The following GPC5 variants were observed in gnomAD, a reference collection of about 807,000 sequenced individuals.
GPC5 encodes the protein glypican 5, also known as glypican-5.
A neutral mutation model predicts 53.9 loss-of-function variants in GPC5; 47 were observed. The ratio of observed to expected loss-of-function variants is 0.87; its 90% CI spans 0.69 to 1.11. The LOEUF (loss-of-function observed/expected upper bound fraction) is 1.11. GPC5 is among the 50% of genes most tolerant of loss of function. The probability of loss-of-function intolerance (pLI) is 0.00; values close to 1 mark genes in which losing one functional copy is unlikely to be tolerated. For synonymous variants in GPC5, 286 were observed against 263.3 expected (o/e 1.09, Z -0.84); for missense variants, 748 against 713.1 (o/e 1.05, Z -0.56).
chr13:91,744,988 A>G (rs144611935), intron 4 of GPC5, among the ~76,000 whole-genome samples: 2 of 152,236 alleles, frequency 1.3e-5, no homozygotes, highest in African/African-American at 4.8e-5. Flanking sequence ...TAGACACTGT[A>G]TCACATCTCT....
At chr13:91,650,685 A>C (rs542668481) in intron 2 of GPC5, among the ~76,000 whole-genome samples, 91 of 151,048 alleles carry the variant, frequency 6.0e-4, no homozygotes, top group African/African-American at 1.9e-3. Context: ...GACTACTCAT[A>C]TTAAGCTCCA....
chr13:92,498,926 A>G (rs968733760), intron 7 of GPC5, among the ~76,000 whole-genome samples: 2 of 152,130 alleles, frequency 1.3e-5, no homozygotes, highest in African/African-American at 4.8e-5. Flanking sequence ...GGTTTCCCCA[A>G]TGCTAGATGT....
At chr13:92,303,535 A>T (rs1447005556) in intron 7 of GPC5, among the ~76,000 whole-genome samples, 1 of 152,116 alleles carries the variant, frequency 6.6e-6, no homozygotes, top group East Asian at 1.9e-4. Context: ...GAATTGTGTC[A>T]GGGAGACAGG....
chr13:92,024,291 C>T (rs1372546151), intron 6 of GPC5, among the ~76,000 whole-genome samples: 4 of 152,080 alleles, frequency 2.6e-5, no homozygotes, highest in African/African-American at 9.7e-5. Flanking sequence ...ACTGTATTGG[C>T]ACTGCTGTTC....
At chr13:92,214,348 A>G (rs2042395581) in intron 7 of GPC5, among the ~76,000 whole-genome samples, 1 of 152,184 alleles carries the variant, frequency 6.6e-6, no homozygotes, top group Non-Finnish European at 1.5e-5. Flanking sequence ...GACCAGTGGC[A>G]CTTAATTCAT....
intron 4 of GPC5, among the ~76,000 whole-genome samples, chr13:91,748,179 A>T (rs1437368370): frequency 6.6e-6 from 1 of 152,234 alleles, no homozygotes; most frequent in Non-Finnish European, 1.5e-5. Flanking sequence ...CATATCTGTG[A>T]TGTATTAATT....
At chr13:92,114,773 G>T (rs2041587453) in intron 6 of GPC5, among the ~76,000 whole-genome samples, 1 of 152,114 alleles carries the variant, frequency 6.6e-6, no homozygotes, top group African/African-American at 2.4e-5. Flanking sequence ...TTATATAAAT[G>T]TATATTCTCC....
chr13:91,892,419 T>A (rs899530893), intron 5 of GPC5, among the ~76,000 whole-genome samples: 9 of 151,784 alleles, frequency 5.9e-5, no homozygotes, highest in Middle Eastern at 7.9e-3. Flanking sequence ...AACTCCAAAT[T>A]AGAAAAAATA....
chr13:92,305,025 G>GA (rs1244449802), intron 7 of GPC5, among the ~76,000 whole-genome samples: 3 of 152,046 alleles, frequency 2.0e-5, no homozygotes, highest in Admixed American at 6.6e-5. Flanking sequence ...AAAGTAAATA[G>GA]AAAAAACTTT....
At chr13:91,856,114 G>A (rs1386835436) in intron 5 of GPC5, among the ~76,000 whole-genome samples, 1 of 151,332 alleles carries the variant, frequency 6.6e-6, no homozygotes, top group African/African-American at 2.4e-5. Flanking sequence ...TGTGTGTATT[G>A]ATATTTCATT....
intron 7 of GPC5, among the ~76,000 whole-genome samples, chr13:92,581,477 A>G (rs1048118757): frequency 2.6e-5 from 4 of 152,152 alleles, no homozygotes; most frequent in African/African-American, 4.8e-5. Context: ...CCATTGATGA[A>G]CACATAGGGT....
At chr13:92,756,994 A>G (rs2139333869) in intron 7 of GPC5, among the ~76,000 whole-genome samples, 1 of 152,106 alleles carries the variant, frequency 6.6e-6, no homozygotes, top group East Asian at 1.9e-4. Context: ...TAAAGTTCAT[A>G]TGGAACCAAA....
rs951859033 is a variant in GPC5 at position 91,398,892 on chromosome 13, G to C, written c.-155G>C. 15 of 864,218 alleles carry C rather than the reference G, an allele frequency of 1.7e-5. No homozygotes were observed. In the African/African-American group the frequency reaches 2.4e-4, roughly 14 times the overall value. The allele number at this position is 864,218 out of a possible 1,614,324, so 53.5% of individuals were successfully genotyped here. On this transcript the variant is annotated 5_prime_UTR_variant, in exon 1 of 8. Coordinates refer to ENST00000377067, the MANE Select transcript of GPC5 (RefSeq NM_004466.6). Reference sequence around the variant, plus strand: ...CTCCGGGAAGAGCTAACTGCTCCCAGGTGAAGCCGGTGCCCGCGGGCGGTC... The same window carrying C: ...CTCCGGGAAGAGCTAACTGCTCCCACGTGAAGCCGGTGCCCGCGGGCGGTC...
At chr13:92,657,587 T>G (rs1191978719) in intron 7 of GPC5, among the ~76,000 whole-genome samples, 2 of 146,842 alleles carry the variant, frequency 1.4e-5, no homozygotes, top group East Asian at 2.0e-4. Context: ...TGGTTTTTTT[T>G]TTTTTTTTTT....
chr13:92,082,197 A>G (rs1444074599), intron 6 of GPC5, among the ~76,000 whole-genome samples: 2 of 152,138 alleles, frequency 1.3e-5, no homozygotes, highest in Admixed American at 6.5e-5. Flanking sequence ...GAGACATTAT[A>G]TATATATGGG....
At chr13:91,482,580 T>C (rs1883365427) in intron 2 of GPC5, among the ~76,000 whole-genome samples, 1 of 152,218 alleles carries the variant, frequency 6.6e-6, no homozygotes, top group Non-Finnish European at 1.5e-5. Context: ...AATCAGAATC[T>C]GCATTTCAGT....
At chr13:92,866,193 C>T (rs2138860065) in intron 7 of GPC5, 89 bp from the exon 8 acceptor site, 1 of 1,140,540 alleles carries the variant, frequency 8.8e-7, no homozygotes, top group Non-Finnish European at 1.2e-6. Context: ...AAAAACAATG[C>T]TGTCCACACT....
intron 2 of GPC5, among the ~76,000 whole-genome samples, chr13:91,552,978 A>C (rs1455693475): frequency 6.6e-6 from 1 of 152,150 alleles, no homozygotes; most frequent in Non-Finnish European, 1.5e-5. Context: ...TATTAAATTT[A>C]ATGGTGCATC....
intron 7 of GPC5, among the ~76,000 whole-genome samples, chr13:92,838,949 C>G (rs1309579592): frequency 6.6e-6 from 1 of 152,200 alleles, no homozygotes; most frequent in Non-Finnish European, 1.5e-5. Context: ...TCATACTTGG[C>G]AATTCTGTCA....
Sources: allele counts gnomAD v4.1 joint callset (sites outside exome capture counted in the v4.1 genomes callset), GRCh38; gene constraint gnomAD v4.1.1; transcripts MANE v1.5; gene names NCBI Gene and HGNC (gene_info 2026-07-23, HGNC 2026-07-21).